Variants in TINAG observed in about 807,000 individuals in gnomAD.
The protein encoded by TINAG is tubulointerstitial nephritis antigen.
In TINAG, 83 loss-of-function variants were observed where a neutral mutation model predicts 72.7. That is an observed-to-expected ratio of 1.14 (90% CI 0.96 to 1.37). TINAG has a LOEUF of 1.37. TINAG is among the 40% of genes most tolerant of loss of function. The pLI is 0.00. For missense variants in TINAG, 685 were observed against 576.6 expected (o/e 1.19, Z -1.93); for synonymous variants, 234 against 189.9 (o/e 1.23, Z -1.91).
intron 1 of TINAG, among the ~76,000 whole-genome samples, chr6:54,312,151 C>T (rs564626357): frequency 3.9e-5 from 6 of 151,984 alleles, no homozygotes; most frequent in East Asian, 3.9e-4. Context: ...CGACCTTCCC[C>T]GGGCTCAAGT....
At chr6:54,334,195 C>A (rs1012975167) in intron 4 of TINAG, among the ~76,000 whole-genome samples, 1 of 152,156 alleles carries the variant, frequency 6.6e-6, no homozygotes. Flanking sequence ...GTATTCAAGG[C>A]CTGTTATGAA....
At chr6:54,338,866 A>G (rs1784932246) in intron 4 of TINAG, among the ~76,000 whole-genome samples, 1 of 152,156 alleles carries the variant, frequency 6.6e-6, no homozygotes, top group Non-Finnish European at 1.5e-5. Flanking sequence ...TTTAGAGCTC[A>G]CATACATTAG....
At chr6:54,325,527 CAT>C (rs1209269678) in intron 3 of TINAG, among the ~76,000 whole-genome samples, 1 of 152,142 alleles carries the variant, frequency 6.6e-6, no homozygotes, top group Non-Finnish European at 1.5e-5. Context: ...TCAACACACA[CAT>C]ACAGACACAG....
At chr6:54,358,879 C>T (rs1476392672) in intron 9 of TINAG, among the ~76,000 whole-genome samples, 2 of 151,706 alleles carry the variant, frequency 1.3e-5, no homozygotes, top group Non-Finnish European at 2.9e-5. Flanking sequence ...GACATCTGAT[C>T]GCATTAGCTT....
At chr6:54,312,740 T>C (rs1171688041) in intron 1 of TINAG, among the ~76,000 whole-genome samples, 1 of 152,178 alleles carries the variant, frequency 6.6e-6, no homozygotes. Context: ...TATTTAAAAA[T>C]CCAGATGTTT....
intron 4 of TINAG, among the ~76,000 whole-genome samples, chr6:54,336,647 G>A (rs368929012): frequency 1.3e-5 from 2 of 151,980 alleles, no homozygotes. Flanking sequence ...TTGTATGCTT[G>A]GCTCCATTAA....
intron 2 of TINAG, among the ~76,000 whole-genome samples, 176 bp from the exon 3 acceptor site, chr6:54,321,121 T>C (rs532790868): frequency 6.6e-6 from 1 of 152,324 alleles, no homozygotes; most frequent in African/African-American, 2.4e-5. Context: ...TTACAGCATA[T>C]TGAGTGGTAG....
intron 9 of TINAG, among the ~76,000 whole-genome samples, chr6:54,363,719 A>G (rs1485112885): frequency 6.6e-6 from 1 of 151,490 alleles, no homozygotes; most frequent in African/African-American, 2.4e-5. Flanking sequence ...ACTGATTGAG[A>G]CTAAGCCATG....
At chr6:54,331,284 G>T (rs1050655884) in intron 4 of TINAG, among the ~76,000 whole-genome samples, 1 of 152,176 alleles carries the variant, frequency 6.6e-6, no homozygotes, top group Non-Finnish European at 1.5e-5. Flanking sequence ...TCATCCCTGG[G>T]ATGCAAGGCT....
At chr6:54,345,916 G>A (rs1785110725) in intron 5 of TINAG, among the ~76,000 whole-genome samples, 2 of 151,834 alleles carry the variant, frequency 1.3e-5, no homozygotes, top group South Asian at 2.1e-4. Context: ...AGGGGTTTCA[G>A]GACACTAACA....
At chr6:54,343,204 T>G in intron 4 of TINAG, 22 bp from the exon 5 acceptor site, 2 of 1,518,262 alleles carry the variant, frequency 1.3e-6, no homozygotes, top group Non-Finnish European at 1.8e-6. Flanking sequence ...ATCTCATATA[T>G]GTACCTCTTC....
At position 54,329,085 on chromosome 6, in the gene TINAG, C is replaced by G. The variant is rs188426967; in HGVS notation, c.624+2169C>G. ...ATCCAGGAAAACTTCCCCAACCTAC[C>G]AAGACAGGCCAACATTCAAATTCAG... On this transcript the variant is annotated intron_variant, in intron 4 of 10. Transcript: ENST00000259782. Among the ~76,000 whole-genome samples, 215 of 152,068 alleles carry G rather than the reference C, an allele frequency of 1.4e-3. 1 individual carries two copies. Among genetic ancestry groups the G allele is most frequent in the African/African-American group, 5.0e-3 (209 of 41,478 alleles).
chr6:54,387,493 C>T (rs975052473), intron 10 of TINAG, among the ~76,000 whole-genome samples: 1 of 152,062 alleles, frequency 6.6e-6, no homozygotes, highest in East Asian at 1.9e-4. Flanking sequence ...ATATATTTTG[C>T]ATTATTCCAT....
In TINAG at chr6:54,361,427, T is replaced by C. The variant is rs1280979233; in HGVS notation, c.1250+6791T>C. ...TGGCCAAAGGGCAAAGGAGAAGCCA[T>C]ATCTTCACATGGCGATAGGAGAGAG... On this transcript the variant is annotated intron_variant, in intron 9 of 10. Transcript: ENST00000259782. Among the ~76,000 whole-genome samples, 3 of 151,684 alleles carry C rather than the reference T, an allele frequency of 2.0e-5. 1 individual carries two copies. Among genetic ancestry groups the C allele is most frequent in the South Asian group, 4.1e-4 (2 of 4,828 alleles).
chr6:54,376,531 A>G (rs1004102624), intron 9 of TINAG, among the ~76,000 whole-genome samples: 6 of 152,070 alleles, frequency 3.9e-5, no homozygotes, highest in African/African-American at 1.4e-4. Context: ...ATCTACCAAA[A>G]CCAAAGAAAA....
chr6:54,372,727 C>CAT (rs67301819), intron 9 of TINAG, among the ~76,000 whole-genome samples: 1,790 of 132,828 alleles, frequency 0.013, 12 homozygotes, highest in Admixed American at 0.024. Context: ...TAAATACATA[C>CAT]ATATATATAT....
In TINAG at chr6:54,342,805, C is replaced by G. The variant is rs193016636; in HGVS notation, c.625-421C>G. On this transcript the variant is annotated intron_variant, in intron 4 of 10. Transcript: ENST00000259782. ...ATAATACATAATTGTCATAAATGCA[C>G]CCTTTCAAAATTAATTTCATCTCAG... Among the ~76,000 whole-genome samples, 21 of 152,212 alleles carry G rather than the reference C, an allele frequency of 1.4e-4. 1 individual carries two copies. The East Asian group carries it at 4.1e-3, about 29-fold the overall frequency.
chr6:54,359,498 T>C (rs1277529295), intron 9 of TINAG, among the ~76,000 whole-genome samples: 3 of 151,830 alleles, frequency 2.0e-5, no homozygotes, highest in Non-Finnish European at 4.4e-5. Context: ...TTGGTCATGT[T>C]TTCTTTTCTC....
chr6:54,382,955 A>G (rs1763994852), intron 10 of TINAG, among the ~76,000 whole-genome samples: 1 of 152,170 alleles, frequency 6.6e-6, no homozygotes, highest in African/African-American at 2.4e-5. Context: ...TCCAAGGTCC[A>G]GCTAGACAGC....
Sources: allele counts gnomAD v4.1 joint callset (sites outside exome capture counted in the v4.1 genomes callset), GRCh38; gene constraint gnomAD v4.1.1; transcripts MANE v1.5; gene names NCBI Gene and HGNC (gene_info 2026-07-23, HGNC 2026-07-21).